The following RFX1 variants were observed in gnomAD, a reference collection of about 807,000 sequenced individuals.
The protein encoded by RFX1 is MHC class II regulatory factor RFX1.
RFX1 carries 42 observed loss-of-function variants against 119.6 expected under a neutral mutation model. That is an observed-to-expected ratio of 0.35 (90% CI 0.27 to 0.45). The LOEUF (loss-of-function observed/expected upper bound fraction) is 0.45. Ranked by LOEUF, RFX1 falls within the 20% of genes least tolerant of loss-of-function variation. The probability of loss-of-function intolerance (pLI) is 1.00; values close to 1 mark genes in which losing one functional copy is unlikely to be tolerated. For synonymous variants in RFX1, 628 were observed against 618.5 expected (o/e 1.02, Z -0.23); for missense variants, 1,118 against 1,368.1 (o/e 0.82, Z 2.88).
intron 12 of RFX1, among the ~76,000 whole-genome samples, chr19:13,967,224 G>A (rs1973932871): frequency 6.6e-6 from 1 of 152,196 alleles, no homozygotes; most frequent in Admixed American, 6.5e-5. Flanking sequence ...CAGGGCAGGT[G>A]GGGAAATGAG....
chr19:13,982,986 T>C, intron 4 of RFX1: 1 of 572,190 alleles, frequency 1.7e-6, no homozygotes, highest in Non-Finnish European at 3.1e-6. Context: ...AGATGGCTCC[T>C]GCAGCTCCTC....
intron 9 of RFX1, among the ~76,000 whole-genome samples, 184 bp from the exon 10 acceptor site, chr19:13,970,359 T>C (rs1392734069): frequency 6.6e-6 from 1 of 152,058 alleles, no homozygotes; most frequent in African/African-American, 2.4e-5. Flanking sequence ...AACTGCACTG[T>C]CCAATACAGT....
rs778245794 is a variant in RFX1, at chr19:13,965,460, G to C, written c.2200C>G (p.Leu734Val). Residue 734 changes from leucine to valine, a missense_variant, in exon 16 of 21, where the codon CTG (leucine) becomes GTG (valine). Leu to Val is a conservative substitution (Grantham distance 32, BLOSUM62 1). This residue lies in a region of RFX1 where 338 missense variants were observed against 508.9 expected (regional missense o/e 0.66). Coordinates refer to ENST00000254325, the MANE Select transcript of RFX1 (RefSeq NM_002918.5). The surrounding 1 kb of genome is among the most constrained non-coding windows in gnomAD (Gnocchi z 4.7). ...CCTCACACTCTCACCTTCACCCGCA[G>C]CATCTCCTCGGGGATGTTGACCATG... The part of the protein sequence containing the change: ...HAMVNIPEEM[L>V]RVKVAAAGAF... 2 of 1,613,760 alleles carry C rather than the reference G, an allele frequency of 1.2e-6. No individual in the cohort carries two copies. The highest frequency in any genetic ancestry group is 1.7e-6 in the Non-Finnish European group (2 of 1,179,770).
chr19:13,967,804 C>T (rs1973953003), intron 12 of RFX1, among the ~76,000 whole-genome samples: 1 of 152,148 alleles, frequency 6.6e-6, no homozygotes, highest in Non-Finnish European at 1.5e-5. Flanking sequence ...TGGGTACACA[C>T]CTGCCTTCTT....
intron 1 of RFX1, among the ~76,000 whole-genome samples, chr19:14,001,826 C>A (rs973292997): frequency 6.6e-6 from 1 of 152,150 alleles, no homozygotes; most frequent in Non-Finnish European, 1.5e-5. Flanking sequence ...CATGGTGAAA[C>A]CCTGTCTCTA....
At position 13,966,171 on chromosome 19, in the gene RFX1, G is replaced by T. The variant is rs1973891071; in HGVS notation, c.1961+250C>A. ...TCCTATGCCCTACCCTCCATACAGG[G>T]GTCAAACAGATTCCAGAACCTGCCA... On this transcript the variant is annotated intron_variant, in intron 14 of 20. Coordinates refer to ENST00000254325, the MANE Select transcript of RFX1 (RefSeq NM_002918.5). This position sits in a 1 kb window ranked among gnomAD's most constrained non-coding sequence, Gnocchi z 6.3. Among the ~76,000 whole-genome samples, 1 of 152,082 alleles carries T rather than the reference G, an allele frequency of 6.6e-6. No homozygotes were observed. Among genetic ancestry groups the T allele is most frequent in the South Asian group, 2.1e-4 (1 of 4,830 alleles).
chr19:13,974,817 G>A (rs1401508726), intron 8 of RFX1, among the ~76,000 whole-genome samples: 3 of 152,042 alleles, frequency 2.0e-5, no homozygotes, highest in Non-Finnish European at 2.9e-5. Context: ...AGGACGAGGC[G>A]GGTGGATCAC....
chr19:13,977,706 C>T (rs921861944), intron 8 of RFX1, among the ~76,000 whole-genome samples: 2 of 151,328 alleles, frequency 1.3e-5, no homozygotes, highest in South Asian at 2.1e-4. Flanking sequence ...CGTGAGCCAC[C>T]GTGCCTGGCC....
chr19:13,987,968 G>C (rs1209785635), intron 2 of RFX1, among the ~76,000 whole-genome samples: 1 of 151,502 alleles, frequency 6.6e-6, no homozygotes, highest in Non-Finnish European at 1.5e-5. Flanking sequence ...GTCCGGCCTA[G>C]CTCTGTCTGA....
At position 13,980,518 on chromosome 19, in the gene RFX1, G is replaced by C. The variant is rs1474569132; in HGVS notation, c.738+55C>G. 2 of 1,173,432 alleles carry C rather than the reference G, an allele frequency of 1.7e-6. No individual in the cohort carries two copies. The highest frequency in any genetic ancestry group is 3.0e-5 in the African/African-American group (2 of 65,886). The allele number at this position is 1,173,432 out of a possible 1,614,324, so 72.7% of individuals were successfully genotyped here. ...AGAGGCACAGCCGTGGGGGGCTGCA[G>C]AGGCTGCCTGGCCGGTACCCCTGGA... On this transcript the variant is annotated intron_variant, in intron 6 of 20. Coordinates refer to ENST00000254325, the MANE Select transcript of RFX1 (RefSeq NM_002918.5). This position sits in a 1 kb window ranked among gnomAD's most constrained non-coding sequence, Gnocchi z 5.1.
In RFX1 at chr19:13,963,161, G is replaced by A. The variant is rs780727282; in HGVS notation, c.2685C>T (p.Ala895=). Residue 895 remains alanine (A), a synonymous_variant, in exon 19 of 21, where the codon GCC becomes GCT. Transcript: ENST00000254325. ...CGATGGGGGTCTCGCCCTTGGCCTGGGCTACGCGGTGCTCGATCAGGTAGT... is the reference window on the plus strand; with the variant it reads ...CGATGGGGGTCTCGCCCTTGGCCTGAGCTACGCGGTGCTCGATCAGGTAGT... The part of the protein sequence containing the change: ...YMYYLIEHRV[A]QAKGETPIAV... 1 of 1,612,532 alleles carries A rather than the reference G, an allele frequency of 6.2e-7. No homozygotes were observed. The highest frequency in any genetic ancestry group is 1.1e-5 in the South Asian group (1 of 91,080).
In RFX1 at chr19:13,972,985, T is replaced by A; in HGVS notation, c.1072A>T (p.Met358Leu). The A allele has an allele frequency of 6.2e-7, 1 of 1,600,232 alleles. No individual in the cohort carries two copies. Among genetic ancestry groups the A allele is most frequent in the Non-Finnish European group, 8.5e-7 (1 of 1,179,588 alleles). ...ACGACCTGGCTGCCGGACACGTACA[T>A]GGGCATGGAGCCACTGCTGGCCACC... Reference protein sequence around the residue: ...QAVASSGSMPMYVSGSQVVAS... With the variant: ...QAVASSGSMPLYVSGSQVVAS... The change falls in exon 9 of 21, where the codon ATG becomes TTG. Residue 358 changes from methionine to leucine, a missense_variant. This residue lies in a region of RFX1 where 542 missense variants were observed against 602.7 expected (regional missense o/e 0.90). Coordinates refer to ENST00000254325, the MANE Select transcript of RFX1 (RefSeq NM_002918.5).
Position 13,966,753 on chromosome 19 carries a change from T to C in RFX1, c.1733-2A>G. 1 of 1,599,620 alleles carries C rather than the reference T, an allele frequency of 6.3e-7. No homozygotes were observed. Among genetic ancestry groups the C allele is most frequent in the Non-Finnish European group, 8.5e-7 (1 of 1,172,090 alleles). On this transcript the variant is annotated splice_acceptor_variant, in intron 12 of 20. Coordinates refer to ENST00000254325, the MANE Select transcript of RFX1 (RefSeq NM_002918.5). LOFTEE classifies it high-confidence loss of function. This position sits in a 1 kb window ranked among gnomAD's most constrained non-coding sequence, Gnocchi z 6.3. ...AGTCAGGGAGGCTCCGAGAGGCATCTAGGGGGCCGGGGGGAACCGTGAGGC... is the reference window on the plus strand; with the variant it reads ...AGTCAGGGAGGCTCCGAGAGGCATCCAGGGGGCCGGGGGGAACCGTGAGGC...
rs1405226174 is a variant in RFX1 at position 13,966,888 on chromosome 19, T to TGGCCCG, written c.1733-143_1733-138dup. Reference sequence around the variant, plus strand: ...GACAACGCTAGGTGGGGTGAGCGCCTGGCCCGGGCCCAGGACGGGCCCAGG... The same window carrying TGGCCCG: ...GACAACGCTAGGTGGGGTGAGCGCCTGGCCCGGGCCCGGGCCCAGGACGGGCCCAGG... On this transcript the variant is annotated intron_variant, in intron 12 of 20. Transcript: ENST00000254325. This position sits in a 1 kb window ranked among gnomAD's most constrained non-coding sequence, Gnocchi z 6.3. 1.5e-5 allele frequency: 9 copies of TGGCCCG among 591,944 alleles called. No homozygotes were observed. Among genetic ancestry groups the TGGCCCG allele is most frequent in the Non-Finnish European group, 2.6e-5 (9 of 340,082 alleles). 36.7% of individuals were successfully genotyped at this position (591,944 alleles called of 1,614,324 possible).
chr19:13,979,833 A>G (rs748927498), intron 6 of RFX1, among the ~76,000 whole-genome samples: 27 of 152,088 alleles, frequency 1.8e-4, no homozygotes, highest in Non-Finnish European at 3.1e-4. Flanking sequence ...GCCTTGGGTT[A>G]TCTTTCGTCC....
Position 13,980,756 on chromosome 19 carries a change from ACACAC to A in RFX1, c.622-72_622-68del. 2.5e-5 allele frequency: 23 copies of A among 933,618 alleles called. No homozygotes were observed. Among genetic ancestry groups the A allele is most frequent in the Non-Finnish European group, 3.4e-5 (21 of 611,918 alleles). 57.8% of individuals were successfully genotyped at this position (933,618 alleles called of 1,614,324 possible). On this transcript the variant is annotated intron_variant, in intron 5 of 20. Coordinates refer to ENST00000254325, the MANE Select transcript of RFX1 (RefSeq NM_002918.5). This position sits in a 1 kb window ranked among gnomAD's most constrained non-coding sequence, Gnocchi z 5.1. ...TGCATCCTCTCTGAGGTGGGCTCAC[ACACAC>A]ACCCTTCTCAGGAGAGCTGTCTGGG...
chr19:13,979,104 G>A (rs954355164), intron 7 of RFX1, among the ~76,000 whole-genome samples: 2 of 152,066 alleles, frequency 1.3e-5, no homozygotes, highest in African/African-American at 2.4e-5. Flanking sequence ...GAGACACTGG[G>A]GGGTCAACGG....
chr19:13,977,024 C>T (rs1361885287), intron 8 of RFX1, among the ~76,000 whole-genome samples: 1 of 151,792 alleles, frequency 6.6e-6, no homozygotes, highest in East Asian at 1.9e-4. Flanking sequence ...AAGTCCAGTG[C>T]GGTGGCTCAT....
intron 4 of RFX1, 69 bp from the exon 5 acceptor site, chr19:13,982,297 CG>C: frequency 1.2e-6 from 1 of 848,628 alleles, no homozygotes; most frequent in South Asian, 5.5e-5. Flanking sequence ...CGAGCATCTG[CG>C]CAGTGCCAGG....
Sources: allele counts gnomAD v4.1 joint callset (sites outside exome capture counted in the v4.1 genomes callset), GRCh38; gene constraint gnomAD v4.1.1; regional missense constraint gnomAD v4.1.1; non-coding constraint Gnocchi (gnomAD v3.1); transcripts MANE v1.5; gene names NCBI Gene and HGNC (gene_info 2026-07-23, HGNC 2026-07-21).